The following ZBTB16 variants were observed in gnomAD, a reference collection of about 807,000 sequenced individuals.
The protein encoded by ZBTB16 is zinc finger and BTB domain-containing protein 16.
ZBTB16 carries 8 observed loss-of-function variants against 56.8 expected under a neutral mutation model. That is an observed-to-expected ratio of 0.14 (90% confidence interval 0.08 to 0.25). The LOEUF (loss-of-function observed/expected upper bound fraction) is 0.25. ZBTB16 is among the 10% of genes least tolerant of loss of function. The pLI is 1.00. For missense variants in ZBTB16, 625 were observed against 903.0 expected (o/e 0.69, Z 3.95); for synonymous variants, 363 against 368.5 (o/e 0.98, Z 0.17).
chr11:114,088,439 G>A (rs1940046410), intron 2 of ZBTB16, among the ~76,000 whole-genome samples: 1 of 152,106 alleles, frequency 6.6e-6, no homozygotes, highest in African/African-American at 2.4e-5. Context: ...ACTGTGCCCG[G>A]CCTGGATCTT....
chr11:114,139,626 C>CGTGTGTGTGTGTCT (rs1941892636), intron 2 of ZBTB16, among the ~76,000 whole-genome samples: 2 of 138,568 alleles, frequency 1.4e-5, no homozygotes, highest in African/African-American at 5.6e-5. Flanking sequence ...CCGCGGTCCA[C>CGTGTGTGTGTGTCT]GTGTGTGTGT....
intron 4 of ZBTB16, among the ~76,000 whole-genome samples, chr11:114,212,379 G>A (rs1944015556): frequency 2.0e-5 from 3 of 152,110 alleles, no homozygotes; most frequent in Admixed American, 2.0e-4. Flanking sequence ...CATTTTCAAA[G>A]TTTCCTGGAG....
chr11:114,139,361 ACTTC>A (rs1941883715), intron 2 of ZBTB16, among the ~76,000 whole-genome samples: 1 of 151,672 alleles, frequency 6.6e-6, no homozygotes, highest in Non-Finnish European at 1.5e-5. Context: ...TTTTTATTGT[ACTTC>A]CTTCCTGCTT....
intron 2 of ZBTB16, among the ~76,000 whole-genome samples, chr11:114,065,494 G>A (rs533910720): frequency 7.5e-4 from 114 of 152,118 alleles, no homozygotes; most frequent in Non-Finnish European, 1.2e-3. Context: ...TCTGCTCACC[G>A]CAACCTCTGC....
At chr11:114,240,364 C>T (rs533029436) in intron 4 of ZBTB16, among the ~76,000 whole-genome samples, 1 of 152,134 alleles carries the variant, frequency 6.6e-6, no homozygotes, top group African/African-American at 2.4e-5. Context: ...TTCTTCGTGC[C>T]ATCCCTTCTC....
At chr11:114,164,176 A>AT (rs953967749) in intron 3 of ZBTB16, among the ~76,000 whole-genome samples, 13 of 152,026 alleles carry the variant, frequency 8.6e-5, no homozygotes, top group Admixed American at 5.9e-4. Context: ...TGGATTTGTC[A>AT]TTTTTCCCCC....
intron 5 of ZBTB16, among the ~76,000 whole-genome samples, chr11:114,243,761 CACTTCTG>C (rs1217594854): frequency 6.6e-6 from 1 of 152,174 alleles, no homozygotes; most frequent in Non-Finnish European, 1.5e-5. Flanking sequence ...ACCTTTCAGC[CACTTCTG>C]AGCATGCCAC....
At chr11:114,155,402 C>T (rs1942383908) in intron 2 of ZBTB16, among the ~76,000 whole-genome samples, 1 of 152,256 alleles carries the variant, frequency 6.6e-6, no homozygotes, top group Non-Finnish European at 1.5e-5. Context: ...TTCCCTGCAT[C>T]TTACCAGCTC....
chr11:114,181,401 CT>C, intron 3 of ZBTB16, among the ~76,000 whole-genome samples: 1 of 152,342 alleles, frequency 6.6e-6, no homozygotes, highest in Non-Finnish European at 1.5e-5. Flanking sequence ...TGGCGACTAG[CT>C]TGCCTGGGAT....
intron 4 of ZBTB16, among the ~76,000 whole-genome samples, chr11:114,232,780 T>C (rs1262188144): frequency 6.6e-6 from 1 of 152,222 alleles, no homozygotes; most frequent in Non-Finnish European, 1.5e-5. Context: ...GTTCCGGGCC[T>C]GCGCACTGGC....
rs55732116 is a variant in ZBTB16, at chr11:114,249,771, C to CAAAAAAAAAAAA, written c.1793-548_1793-537dup. Reference sequence around the variant, plus strand: ...TGGGCGACACAGCGAGACTCCGTCTCAAAAAAAAAAAAAAAAAAGAGAGCT... The same window carrying CAAAAAAAAAAAA: ...TGGGCGACACAGCGAGACTCCGTCTCAAAAAAAAAAAAAAAAAAAAAAAAAAAAAAGAGAGCT... On this transcript the variant is annotated intron_variant, in intron 6 of 6. Transcript: ENST00000335953. Among the ~76,000 whole-genome samples, 319 of 59,224 alleles carry CAAAAAAAAAAAA rather than the reference C, an allele frequency of 5.4e-3. 16 individuals carry two copies. The highest frequency in any genetic ancestry group is 7.1e-3 in the East Asian group (11 of 1,556). The allele number at this position is 59,224 out of a possible 152,430, so 38.9% of individuals were successfully genotyped here. A position where few individuals can be genotyped will look rare whatever the true frequency, so the allele number is the denominator to read the frequency against.
At chr11:114,062,520 GGTTGTGTGT>G (rs1159487193) in intron 1 of ZBTB16, among the ~76,000 whole-genome samples, 1 of 152,238 alleles carries the variant, frequency 6.6e-6, no homozygotes, top group Non-Finnish European at 1.5e-5. Flanking sequence ...TTAGTGTGTG[GGTTGTGTGT>G]GTTCCTGTTA....
intron 2 of ZBTB16, among the ~76,000 whole-genome samples, chr11:114,148,336 GCTTCCTTCCTTC>G (rs1202157247): frequency 1.7e-4 from 9 of 52,564 alleles, no homozygotes; most frequent in Non-Finnish European, 2.8e-4. Flanking sequence ...TGGCTGGCTG[GCTTCCTTCCTTC>G]CTTCCTTCCT....
At chr11:114,112,919 C>T (rs1941064901) in intron 2 of ZBTB16, among the ~76,000 whole-genome samples, 1 of 152,036 alleles carries the variant, frequency 6.6e-6, no homozygotes, top group African/African-American at 2.4e-5. Flanking sequence ...AATGCACTAC[C>T]ATACCTAGGT....
intron 2 of ZBTB16, among the ~76,000 whole-genome samples, chr11:114,130,778 C>T (rs1184767226): frequency 1.3e-5 from 2 of 152,092 alleles, no homozygotes; most frequent in African/African-American, 4.8e-5. Flanking sequence ...GCTAAGTAAG[C>T]GTGGCTTAAG....
chr11:114,223,347 C>T (rs1385068414), intron 4 of ZBTB16, among the ~76,000 whole-genome samples: 6 of 152,176 alleles, frequency 3.9e-5, no homozygotes, highest in Admixed American at 6.5e-5. Flanking sequence ...TGGGAATATA[C>T]GGACTCAGAA....
At chr11:114,241,089 C>T (rs932626555) in intron 4 of ZBTB16, among the ~76,000 whole-genome samples, 12 of 152,126 alleles carry the variant, frequency 7.9e-5, no homozygotes, top group African/African-American at 2.4e-4. Flanking sequence ...TGGGTAACGT[C>T]GGTCATGAGA....
intron 2 of ZBTB16, among the ~76,000 whole-genome samples, chr11:114,077,148 A>C (rs993191771): frequency 1.3e-5 from 2 of 152,164 alleles, no homozygotes; most frequent in Non-Finnish European, 1.5e-5. Context: ...CTTCCTGTGT[A>C]AATTAGCCTA....
At chr11:114,155,785 A>G (rs955776456) in intron 2 of ZBTB16, among the ~76,000 whole-genome samples, 1 of 152,222 alleles carries the variant, frequency 6.6e-6, no homozygotes, top group Non-Finnish European at 1.5e-5. Flanking sequence ...TCTGGATGCC[A>G]GAGAAGTATC....
Sources: allele counts gnomAD v4.1 joint callset (sites outside exome capture counted in the v4.1 genomes callset), GRCh38; gene constraint gnomAD v4.1.1; transcripts MANE v1.5; gene names NCBI Gene and HGNC (gene_info 2026-07-23, HGNC 2026-07-21).